Variants in KIAA1549 observed in about 807,000 individuals in gnomAD.
The protein encoded by KIAA1549 is KIAA1549.
In KIAA1549, 70 loss-of-function variants were observed where a neutral mutation model predicts 156.4. That is an observed-to-expected ratio of 0.45 (90% CI 0.37 to 0.55). The LOEUF (loss-of-function observed/expected upper bound fraction) is 0.55, where lower values mean the gene tolerates loss of function less well. Among genes scored for constraint, KIAA1549 ranks in the 20% least tolerant of loss-of-function variants. KIAA1549 has a pLI of 0.00. For missense variants in KIAA1549, 2,428 were observed against 2,540.9 expected (o/e 0.96, Z 0.96); for synonymous variants, 1,103 against 1,066.4 (o/e 1.03, Z -0.67).
intron 1 of KIAA1549, among the ~76,000 whole-genome samples, chr7:138,966,117 T>C (rs1413882029): frequency 3.3e-5 from 5 of 152,200 alleles, no homozygotes; most frequent in African/African-American, 4.8e-5. Flanking sequence ...GGTTGAACTG[T>C]GTGCCCCCAA....
At chr7:138,897,052 C>T (rs1380853516) in intron 9 of KIAA1549, among the ~76,000 whole-genome samples, 1 of 152,120 alleles carries the variant, frequency 6.6e-6, no homozygotes, top group Non-Finnish European at 1.5e-5. Context: ...GATCTTTACC[C>T]ACGTGGTTTT....
At chr7:138,933,974 T>C (rs565339119) in intron 1 of KIAA1549, among the ~76,000 whole-genome samples, 25 of 152,020 alleles carry the variant, frequency 1.6e-4, no homozygotes, top group Non-Finnish European at 2.9e-4. Flanking sequence ...TCAAAAATAA[T>C]AATAGTAAAA....
chr7:138,911,487 A>C (rs1478730250), intron 3 of KIAA1549, among the ~76,000 whole-genome samples, 164 bp from the exon 4 acceptor site: 1 of 152,232 alleles, frequency 6.6e-6, no homozygotes, highest in East Asian at 1.9e-4. Flanking sequence ...CTCTCTGCCA[A>C]CCTTTGCAAA....
intron 14 of KIAA1549, among the ~76,000 whole-genome samples, chr7:138,868,510 C>T (rs993345578): frequency 3.3e-5 from 5 of 152,188 alleles, no homozygotes; most frequent in Admixed American, 3.3e-4. Context: ...TCACTGCAAC[C>T]TCCACTTCCC....
At chr7:138,849,027 C>T (rs1004897360) in intron 17 of KIAA1549, among the ~76,000 whole-genome samples, 1 of 152,208 alleles carries the variant, frequency 6.6e-6, no homozygotes, top group African/African-American at 2.4e-5. Flanking sequence ...ACCACTGCAT[C>T]CAGCCCCAAA....
rs1423632158 is a variant in KIAA1549, at chr7:138,881,515, T to C, written c.4102A>G (p.Ile1368Val). The change falls in exon 11 of 20, where the codon ATA becomes GTA. Residue 1368 changes from isoleucine to valine, a missense_variant. By Grantham distance (29) the Ile-to-Val change is conservative (BLOSUM62 3). Around this residue, in one of 5 missense-constraint regions of KIAA1549, gnomAD observed 762 missense variants for 901.6 expected, o/e 0.85. Transcript: ENST00000422774. ...QHLGQHNKDDILIIHEPAPLP... is the reference protein window; with the variant it reads ...QHLGQHNKDDVLIIHEPAPLP... The stretch of plus-strand genomic sequence containing the variant: ...GGCGCTGGCTCATGAATAATCAATA[T>C]GTCGTCTTTATTGTGCTGACCCAGA... 6 of 1,613,928 alleles carry C rather than the reference T, an allele frequency of 3.7e-6. No homozygotes were observed. Among genetic ancestry groups the C allele is most frequent in the Non-Finnish European group, 4.2e-6 (5 of 1,179,904 alleles).
rs202242479 is a variant in KIAA1549, at chr7:138,974,593, T to G, written c.187+6490A>C. On this transcript the variant is annotated intron_variant, in intron 1 of 19. Transcript: ENST00000422774. The stretch of plus-strand genomic sequence containing the variant: ...CCCACTACCATGCCTGGCTATTTTT[T>G]TGTGTTTTTAGTAGAGACGAGGTTT... 4.6e-5 allele frequency among the ~76,000 whole-genome samples: 7 copies of G among 152,006 alleles called. No homozygotes were observed. The South Asian group carries it at 1.5e-3, about 32-fold the overall frequency.
chr7:138,931,052 A>T (rs1233718853), intron 1 of KIAA1549, among the ~76,000 whole-genome samples: 1 of 152,138 alleles, frequency 6.6e-6, no homozygotes, highest in African/African-American at 2.4e-5. Context: ...AGCCCTCAGG[A>T]GAGGGAGAGA....
intron 18 of KIAA1549, among the ~76,000 whole-genome samples, chr7:138,841,568 G>A (rs1459283173): frequency 4.6e-5 from 7 of 152,182 alleles, no homozygotes; most frequent in African/African-American, 1.7e-4. Context: ...TAAGCACTGT[G>A]AAATAGAATA....
intron 8 of KIAA1549, 140 bp from the exon 9 acceptor site, chr7:138,899,272 G>A: frequency 2.8e-6 from 2 of 727,052 alleles, no homozygotes; most frequent in African/African-American, 1.8e-5. Flanking sequence ...CAGGGGCCCA[G>A]AATCACCATG....
rs760600298 is a variant in KIAA1549 at position 138,917,472 on chromosome 7, T to C, written c.2154A>G (p.Pro718=). The C allele has an allele frequency of 3.7e-6, 6 of 1,613,870 alleles. No individual in the cohort carries two copies. In the Admixed American group the frequency reaches 5.0e-5, roughly 13 times the overall value. ...MLLPSRSEVS[P]WSSFPSDSLE... ...GAGAATCAGAAGGGAAGCTTGACCATGGTGACACCTCAGAACGGCTAGGTA... is the reference window on the plus strand; with the variant it reads ...GAGAATCAGAAGGGAAGCTTGACCACGGTGACACCTCAGAACGGCTAGGTA... The change falls in exon 2 of 20, where the codon CCA becomes CCG. Residue 718 remains proline (P), a synonymous_variant. Transcript: ENST00000422774.
rs954626846 is a variant in KIAA1549 at position 138,907,093 on chromosome 7, T to C, written c.3286A>G (p.Ile1096Val). 2.5e-6 allele frequency: 4 copies of C among 1,586,034 alleles called. No individual in the cohort carries two copies. Among genetic ancestry groups the C allele is most frequent in the Non-Finnish European group, 3.4e-6 (4 of 1,169,976 alleles). Reference sequence around the variant, plus strand: ...GTCACCCTTGAGGAACTGATGGTGATATTCAAGATCTGAAAGAATAAAGTC... The same window carrying C: ...GTCACCCTTGAGGAACTGATGGTGACATTCAAGATCTGAAAGAATAAAGTC... Reference protein sequence around the residue: ...TYNLTVQILNITISSSRVTPR... With the variant: ...TYNLTVQILNVTISSSRVTPR... Residue 1096 changes from isoleucine (I) to valine (V), a missense_variant, in exon 6 of 20, where the codon ATC (isoleucine) becomes GTC (valine). Coordinates refer to ENST00000422774, the MANE Select transcript of KIAA1549 (RefSeq NM_001164665.2).
At chr7:138,885,087 C>T (rs1329121100) in intron 10 of KIAA1549, among the ~76,000 whole-genome samples, 4 of 151,974 alleles carry the variant, frequency 2.6e-5, no homozygotes, top group Non-Finnish European at 5.9e-5. Context: ...CCCAGCTACT[C>T]GGGAGGCTGA....
intron 1 of KIAA1549, among the ~76,000 whole-genome samples, chr7:138,958,093 C>T (rs893185249): frequency 3.3e-5 from 5 of 152,212 alleles, no homozygotes; most frequent in African/African-American, 9.6e-5. Flanking sequence ...CGTCTTTGCA[C>T]GACTGTTATC....
intron 15 of KIAA1549, among the ~76,000 whole-genome samples, chr7:138,866,959 C>T (rs1012690259): frequency 3.9e-5 from 6 of 152,078 alleles, no homozygotes; most frequent in African/African-American, 9.6e-5. Context: ...TGCACCACCA[C>T]GCCTGGCTAA....
chr7:138,838,249 C>T, intron 19 of KIAA1549, 89 bp from the exon 20 acceptor site: 2 of 1,339,852 alleles, frequency 1.5e-6, no homozygotes, highest in Non-Finnish European at 2.0e-6. Context: ...GTTCCCAGGA[C>T]TGCCCACGTC....
At chr7:138,883,532 G>T (rs1811309990) in intron 10 of KIAA1549, among the ~76,000 whole-genome samples, 1 of 151,902 alleles carries the variant, frequency 6.6e-6, no homozygotes, top group Non-Finnish European at 1.5e-5. Context: ...GCCCAGGCTG[G>T]TCTCAAACTC....
chr7:138,879,451 G>A (rs905086027), intron 12 of KIAA1549, 87 bp downstream of exon 12: 3 of 750,716 alleles, frequency 4.0e-6, no homozygotes, highest in Non-Finnish European at 6.4e-6. Context: ...TTTTTTAAGG[G>A]TTTAGCATTT....
intron 1 of KIAA1549, among the ~76,000 whole-genome samples, chr7:138,959,045 G>A (rs1170103534): frequency 2.6e-5 from 4 of 152,070 alleles, no homozygotes; most frequent in South Asian, 2.1e-4. Flanking sequence ...GATTGCAGGC[G>A]CCCACCACCA....
Sources: allele counts gnomAD v4.1 joint callset (sites outside exome capture counted in the v4.1 genomes callset), GRCh38; gene constraint gnomAD v4.1.1; regional missense constraint gnomAD v4.1.1; transcripts MANE v1.5; gene names NCBI Gene and HGNC (gene_info 2026-07-23, HGNC 2026-07-21).